SLC38A7: variants seen among roughly 807,000 people sequenced by gnomAD.
The protein encoded by SLC38A7 is sodium-coupled neutral amino acid transporter 7.
In SLC38A7, 29 loss-of-function variants were observed where a neutral mutation model predicts 50.1. The observed-to-expected ratio is 0.58, with a 90% CI of 0.43 to 0.79. SLC38A7 has a LOEUF of 0.79. SLC38A7 is among the 30% of genes least tolerant of loss of function. SLC38A7 has a pLI of 0.00. For synonymous variants in SLC38A7, 244 were observed against 245.9 expected (o/e 0.99, Z 0.07); for missense variants, 483 against 610.6 (o/e 0.79, Z 2.20).
chr16:58,667,367 T>C lies in SLC38A7; in HGVS notation c.*18A>G, dbSNP rs1460460098. On this transcript the variant is annotated 3_prime_UTR_variant, in exon 12 of 12. Transcript: ENST00000219320. The stretch of plus-strand genomic sequence containing the variant: ...TGCGACCAATGGCAAAGGCCTTGTG[T>C]TCCCTGGGAGGCAGTGGTTATGCCA... The C allele has an allele frequency of 3.1e-6, 5 of 1,613,384 alleles. No individual in the cohort carries two copies. In the East Asian group the frequency reaches 1.1e-4, roughly 36 times the overall value.
intron 10 of SLC38A7, 59 bp downstream of exon 10, chr16:58,670,986 A>G: frequency 6.5e-7 from 1 of 1,538,298 alleles, no homozygotes; most frequent in South Asian, 1.2e-5. Context: ...AGCTGAGGCT[A>G]GGCAGGCCCT....
At chr16:58,669,202 G>A (rs1377093958) in intron 11 of SLC38A7, among the ~76,000 whole-genome samples, 5 of 134,596 alleles carry the variant, frequency 3.7e-5, no homozygotes, top group Middle Eastern at 4.8e-3. Context: ...TGCAACCTCC[G>A]CCTCCTGGGT....
At chr16:58,673,410 A>G (rs1461347702) in intron 8 of SLC38A7, among the ~76,000 whole-genome samples, 5 of 151,254 alleles carry the variant, frequency 3.3e-5, no homozygotes, top group Admixed American at 6.6e-5. Flanking sequence ...TAATTTTTGT[A>G]TTTTTAGTAG....
At chr16:58,670,294 T>C in intron 10 of SLC38A7, 127 bp from the exon 11 acceptor site, 2 of 849,632 alleles carry the variant, frequency 2.4e-6, no homozygotes, top group East Asian at 5.2e-5. Flanking sequence ...AGAAATTCCA[T>C]CTCTGCCCCC....
Position 58,678,724 on chromosome 16 carries a change from T to C in SLC38A7, c.441A>G (p.Leu147=). The C allele has an allele frequency of 1.2e-6, 2 of 1,614,010 alleles. No individual in the cohort carries two copies. Among genetic ancestry groups the C allele is most frequent in the Non-Finnish European group, 1.7e-6 (2 of 1,179,986 alleles). ...TGTCCTGCTGGTCGCCAATGATGAT[T>C]AGGAAGGCAATGCAGGTGCCAAAGG... ...VYTFGTCIAF[L]IIIGDQQDKI... Residue 147 remains leucine (L), a synonymous_variant, in exon 4 of 12, where the codon CTA becomes CTG. Transcript: ENST00000219320. This position sits in a 1 kb window ranked among gnomAD's most constrained non-coding sequence, Gnocchi z 4.0.
At chr16:58,680,467 T>A (rs1420093945) in intron 2 of SLC38A7, among the ~76,000 whole-genome samples, 1 of 152,184 alleles carries the variant, frequency 6.6e-6, no homozygotes, top group Non-Finnish European at 1.5e-5. Flanking sequence ...CAGTTAGATG[T>A]CAACATAAAA....
At chr16:58,679,797 C>T (rs2044349226) in intron 3 of SLC38A7, 60 bp downstream of exon 3, 1 of 1,606,344 alleles carries the variant, frequency 6.2e-7, no homozygotes, top group Admixed American at 1.7e-5. Flanking sequence ...CCGAAGCCTC[C>T]CTTTTGAGGC....
At chr16:58,677,777 C>T (rs1597675727) in intron 5 of SLC38A7, among the ~76,000 whole-genome samples, 1 of 152,180 alleles carries the variant, frequency 6.6e-6, no homozygotes, top group South Asian at 2.1e-4. Context: ...ATCCTCTGAG[C>T]CTGGCCTTTG....
rs2044239157 is a variant in SLC38A7 at position 58,675,180 on chromosome 16, C to G, written c.883+760G>C. 3 of 251,160 alleles carry G rather than the reference C, an allele frequency of 1.2e-5. No homozygotes were observed. In the Admixed American group the frequency reaches 1.5e-4, roughly 12 times the overall value. The allele number at this position is 251,160 out of a possible 1,614,324, so 15.6% of individuals were successfully genotyped here. ...TCTGAGAAGAACCTTCTGTGAACCA[C>G]TCCCAAAGCCACCCATCCAGTCCCA... On this transcript the variant is annotated intron_variant, in intron 8 of 11. Transcript: ENST00000219320.
chr16:58,678,708 G>C lies in SLC38A7; in HGVS notation c.457C>G (p.Gln153Glu). The stretch of plus-strand genomic sequence containing the variant: ...GGGAGAAGCTCACTCTTGTCCTGCT[G>C]GTCGCCAATGATGATTAGGAAGGCA... ...CIAFLIIIGD[Q>E]QDKIIAVMAK... The change falls in exon 4 of 12, where the codon CAG becomes GAG. Residue 153 changes from glutamine to glutamate, a missense_variant. Transcript: ENST00000219320. The surrounding 1 kb of genome is among the most constrained non-coding windows in gnomAD (Gnocchi z 4.0). The C allele has an allele frequency of 6.2e-7, 1 of 1,613,938 alleles. No homozygotes were observed. The highest frequency in any genetic ancestry group is 8.5e-7 in the Non-Finnish European group (1 of 1,179,944).
In SLC38A7 at chr16:58,677,394, G is replaced by A; in HGVS notation, c.642C>T (p.Val214=). ...SFLSVVGTWY[V]TAIVIIKYIW... is the part of the protein sequence containing the mutation. ...TGTACTTGATGATAACGATGGCTGT[G>A]ACGTACCAGGTACCCACGACGCTCA... The change falls in exon 6 of 12, where the codon GTC becomes GTT. Residue 214 remains valine (V), a synonymous_variant. Transcript: ENST00000219320. 5.6e-6 allele frequency: 9 copies of A among 1,613,736 alleles called. No homozygotes were observed. Among genetic ancestry groups the A allele is most frequent in the Non-Finnish European group, 7.6e-6 (9 of 1,179,920 alleles).
chr16:58,675,971 C>A lies in SLC38A7; in HGVS notation c.852G>T (p.Met284Ile). Residue 284 changes from methionine to isoleucine, a missense_variant, in exon 8 of 12, where the codon ATG becomes ATT. Physicochemically the swap from Met to Ile is conservative, Grantham distance 10 (BLOSUM62 1). Transcript: ENST00000219320. Reference sequence around the variant, plus strand: ...CCATGTAGACAGCGAGGGCTATGACCATGGCAGCTGTCACCACTCCACCCC... The same window carrying A: ...CCATGTAGACAGCGAGGGCTATGACAATGGCAGCTGTCACCACTCCACCCC... ...KTWGGVVTAA[M>I]VIALAVYMGT... 6.2e-7 allele frequency: 1 copy of A among 1,613,486 alleles called. No individual in the cohort carries two copies. The highest frequency in any genetic ancestry group is 8.5e-7 in the Non-Finnish European group (1 of 1,179,778).
rs1206033810 is a variant in SLC38A7 at position 58,666,962 on chromosome 16, C to T, written c.*423G>A. On this transcript the variant is annotated 3_prime_UTR_variant, in exon 12 of 12. Transcript: ENST00000219320. ...GGCTCCTGAGGAAGCTACCACTGGC[C>T]TGGGGTAATGAGCACAACCCCTACT... 5.1e-6 allele frequency: 1 copy of T among 197,824 alleles called. No homozygotes were observed. Among genetic ancestry groups the T allele is most frequent in the African/African-American group, 2.3e-5 (1 of 43,350 alleles). The allele number at this position is 197,824 out of a possible 1,614,324, so 12.3% of individuals were successfully genotyped here.
chr16:58,683,165 C>T (rs1025914764), intron 2 of SLC38A7, among the ~76,000 whole-genome samples: 10 of 152,198 alleles, frequency 6.6e-5, no homozygotes, highest in African/African-American at 2.2e-4. Flanking sequence ...AGGCGTGAGC[C>T]ACAGCCCCCA....
rs2152081896 is a variant in SLC38A7, at chr16:58,678,641, AG to A, written c.469+54del. 1 of 1,598,104 alleles carries A rather than the reference AG, an allele frequency of 6.3e-7. No individual in the cohort carries two copies. Among genetic ancestry groups the A allele is most frequent in the Admixed American group, 1.7e-5 (1 of 58,428 alleles). ...GTTCAGTGCCTTTTCCCTCCACCCC[AG>A]GATCCCTGGGGCTGATAAGAAGAGA... On this transcript the variant is annotated intron_variant, in intron 4 of 11. Coordinates refer to ENST00000219320, the MANE Select transcript of SLC38A7 (RefSeq NM_018231.3). This position sits in a 1 kb window ranked among gnomAD's most constrained non-coding sequence, Gnocchi z 4.0.
At chr16:58,670,250 T>A in intron 10 of SLC38A7, 83 bp from the exon 11 acceptor site, 1 of 1,354,278 alleles carries the variant, frequency 7.4e-7, no homozygotes, top group Non-Finnish European at 1.0e-6. Flanking sequence ...CAAGAAGCAG[T>A]GCTGGATGGA....
chr16:58,672,188 G>A lies in SLC38A7; in HGVS notation c.939C>T (p.Ser313=). ...GAAVDPDVLL[S]YPSEDMAVAV... is the part of the protein sequence containing the mutation. ...CCACGGCCATGTCCTCCGAGGGATA[G>A]GACAGGAGCACGTCAGGATCCACAG... The change falls in exon 9 of 12, where the codon TCC becomes TCT. Residue 313 remains serine, a synonymous_variant. Coordinates refer to ENST00000219320, the MANE Select transcript of SLC38A7 (RefSeq NM_018231.3). The A allele has an allele frequency of 6.3e-7, 1 of 1,575,554 alleles. No homozygotes were observed. Among genetic ancestry groups the A allele is most frequent in the South Asian group, 1.2e-5 (1 of 85,634 alleles).
intron 2 of SLC38A7, 107 bp from the exon 3 acceptor site, chr16:58,680,348 G>A (rs1446081031): frequency 2.2e-6 from 1 of 453,706 alleles, no homozygotes; most frequent in African/African-American, 2.0e-5. Context: ...TCCAAACCCA[G>A]GTATGCCTCT....
At chr16:58,672,270 G>A (rs756591948) in intron 8 of SLC38A7, 27 bp from the exon 9 acceptor site, 6 of 1,565,972 alleles carry the variant, frequency 3.8e-6, no homozygotes, top group East Asian at 2.4e-5. Context: ...CTGGGTCAGG[G>A]CAACCCTGGG....
Sources: gnomAD v4.1 joint callset for allele counts (sites outside exome capture counted in the v4.1 genomes callset) on GRCh38, gnomAD v4.1.1 for gene constraint, Gnocchi (gnomAD v3.1) non-coding constraint, MANE v1.5 for transcripts, NCBI Gene and HGNC (gene_info 2026-07-23, HGNC 2026-07-21) for gene names.